XPR1: variants seen among roughly 807,000 people sequenced by gnomAD.
XPR1 encodes the protein xenotropic and polytropic retrovirus receptor 1.
In XPR1, 28 loss-of-function variants were observed where a neutral mutation model predicts 87.5. The observed-to-expected ratio is 0.32, with a 90% CI of 0.24 to 0.44. XPR1 has a LOEUF of 0.44. Ranked by LOEUF, XPR1 falls within the 20% of genes least tolerant of loss-of-function variation. The pLI is 1.00. For missense variants in XPR1, 559 were observed against 862.3 expected, an observed-to-expected ratio of 0.65 and a Z score of 4.41; for synonymous variants, 300 against 306.1, an observed-to-expected ratio of 0.98 and a Z score of 0.21.
At chr1:180,847,922 A>G (rs1651739347) in intron 11 of XPR1, among the ~76,000 whole-genome samples, 1 of 152,174 alleles carries the variant, frequency 6.6e-6, no homozygotes, top group Non-Finnish European at 1.5e-5. Flanking sequence ...GGTTTGTGCC[A>G]TTTAAACCGT....
intron 11 of XPR1, among the ~76,000 whole-genome samples, chr1:180,849,860 C>G (rs556750877): frequency 6.6e-5 from 10 of 152,298 alleles, no homozygotes; most frequent in Admixed American, 6.5e-4. Context: ...AGTTATACTT[C>G]AGTGGAAGTC....
Position 180,632,971 on chromosome 1 carries a change from C to T in XPR1, c.69+701C>T, listed in dbSNP as rs552234127. ...CAGAGTAATAACATCTTTGTTTTTG[C>T]CTCTTGTTTTGGAATGGAGGGAAGA... is the stretch of plus-strand genomic sequence containing the variant. On this transcript the variant is annotated intron_variant, in intron 1 of 14. Transcript: ENST00000367590. Among the ~76,000 whole-genome samples, 17 of 152,138 alleles carry T rather than the reference C, an allele frequency of 1.1e-4. No homozygotes were observed. In the South Asian group the frequency reaches 3.5e-3, roughly 32 times the overall value.
intron 1 of XPR1, among the ~76,000 whole-genome samples, chr1:180,670,866 G>C (rs1230473827): frequency 6.6e-6 from 1 of 152,128 alleles, no homozygotes; most frequent in East Asian, 1.9e-4. Context: ...CGTTTTTGCT[G>C]AACATAGGAT....
At chr1:180,842,872 T>C (rs1023405243) in intron 11 of XPR1, among the ~76,000 whole-genome samples, 3 of 152,370 alleles carry the variant, frequency 2.0e-5, no homozygotes, top group Non-Finnish European at 4.4e-5. Context: ...TGTATTTTAC[T>C]TTAGACTTTT....
At chr1:180,645,524 T>G (rs1292316299) in intron 1 of XPR1, among the ~76,000 whole-genome samples, 1 of 152,196 alleles carries the variant, frequency 6.6e-6, no homozygotes, top group Non-Finnish European at 1.5e-5. Context: ...CAAGTTAAGT[T>G]TTGCGACCCA....
rs575297782 is a variant in XPR1, at chr1:180,886,811, C to T, written c.*2745C>T. The T allele has an allele frequency of 1.3e-5, 2 of 152,278 alleles. No individual in the cohort carries two copies. Among genetic ancestry groups the T allele is most frequent in the South Asian group, 2.1e-4 (1 of 4,822 alleles). The allele number at this position is 152,278 out of a possible 1,614,324, so 9.4% of individuals were successfully genotyped here. A position where few individuals can be genotyped will look rare whatever the true frequency, so the allele number is the denominator to read the frequency against. The stretch of plus-strand genomic sequence containing the variant: ...TAAATTTTATATGCCCTAGCAGTTG[C>T]GAATGTTGTGTCCACCTTACAATTT... On this transcript the variant is annotated 3_prime_UTR_variant, in exon 15 of 15. Transcript: ENST00000367590.
chr1:180,787,904 T>C, intron 3 of XPR1, 50 bp downstream of exon 3: 2 of 1,331,100 alleles, frequency 1.5e-6, no homozygotes, highest in Non-Finnish European at 1.1e-6. Context: ...GGATAAATTG[T>C]ACCATATCAT....
chr1:180,830,694 G>A (rs888112779), intron 9 of XPR1, among the ~76,000 whole-genome samples: 3 of 152,146 alleles, frequency 2.0e-5, no homozygotes, highest in Non-Finnish European at 2.9e-5. Context: ...GTATAAGATA[G>A]AAAGGGGTCC....
chr1:180,860,418 T>A (rs552223788), intron 11 of XPR1, among the ~76,000 whole-genome samples: 1 of 152,264 alleles, frequency 6.6e-6, no homozygotes, highest in South Asian at 2.1e-4. Flanking sequence ...GTAAAGTGAC[T>A]TTTTTGGAAT....
At chr1:180,821,837 A>G (rs1650634768) in intron 7 of XPR1, among the ~76,000 whole-genome samples, 1 of 152,274 alleles carries the variant, frequency 6.6e-6, no homozygotes, top group East Asian at 1.9e-4. Flanking sequence ...CAGATTGCTC[A>G]TTGCCGATGT....
intron 1 of XPR1, among the ~76,000 whole-genome samples, chr1:180,654,943 A>C (rs544534983): frequency 4.5e-4 from 69 of 152,300 alleles, no homozygotes; most frequent in Admixed American, 1.3e-3. Flanking sequence ...TATACTCAGA[A>C]GTATAATTAC....
chr1:180,857,223 T>C lies in XPR1; in HGVS notation c.1502-6485T>C, dbSNP rs192774294. ...TACCCAAGTCCCAACTTAAGAAACC[T>C]TCTCTGCCTGAACGCTGTTTCTGCC... is the stretch of plus-strand genomic sequence containing the variant. On this transcript the variant is annotated intron_variant, in intron 11 of 14. Transcript: ENST00000367590. Among the ~76,000 whole-genome samples the C allele has an allele frequency of 2.5e-4, 38 of 152,308 alleles. No homozygotes were observed. In the Middle Eastern group the frequency reaches 0.01, roughly 41 times the overall value.
intron 11 of XPR1, among the ~76,000 whole-genome samples, chr1:180,853,442 C>CTAAG (rs897233718): frequency 6.6e-6 from 1 of 152,106 alleles, no homozygotes; most frequent in Non-Finnish European, 1.5e-5. Flanking sequence ...TGTTTCTTTG[C>CTAAG]TAAGGCATTT....
At chr1:180,799,417 G>T (rs1373070082) in intron 3 of XPR1, among the ~76,000 whole-genome samples, 2 of 152,116 alleles carry the variant, frequency 1.3e-5, no homozygotes, top group Non-Finnish European at 2.9e-5. Context: ...TTAGGCCATT[G>T]ATCAGCTTTT....
chr1:180,848,618 T>C (rs1651767600), intron 11 of XPR1, among the ~76,000 whole-genome samples: 1 of 152,182 alleles, frequency 6.6e-6, no homozygotes, highest in African/African-American at 2.4e-5. Context: ...AGTGCTGCAG[T>C]AAACATGGGA....
intron 1 of XPR1, among the ~76,000 whole-genome samples, chr1:180,682,113 TC>T (rs1656596933): frequency 1.3e-5 from 2 of 152,208 alleles, no homozygotes; most frequent in Non-Finnish European, 1.5e-5. Context: ...TGATTTTTCA[TC>T]CTTTTCCAGC....
chr1:180,769,130 A>G (rs957952734), intron 2 of XPR1, among the ~76,000 whole-genome samples: 3 of 151,928 alleles, frequency 2.0e-5, no homozygotes, highest in Non-Finnish European at 2.9e-5. Context: ...TTTTGTGGGC[A>G]TGTAGTAGGT....
At chr1:180,635,409 A>C (rs893611317) in intron 1 of XPR1, among the ~76,000 whole-genome samples, 2 of 152,228 alleles carry the variant, frequency 1.3e-5, no homozygotes, top group African/African-American at 4.8e-5. Flanking sequence ...ACTGGTTTCA[A>C]CCAAATAGAC....
At chr1:180,729,299 A>G (rs1658474106) in intron 2 of XPR1, among the ~76,000 whole-genome samples, 2 of 152,210 alleles carry the variant, frequency 1.3e-5, no homozygotes, top group African/African-American at 4.8e-5. Context: ...ACTGCGATTA[A>G]CATATGTGTG....
Sources: allele counts gnomAD v4.1 joint callset (sites outside exome capture counted in the v4.1 genomes callset), GRCh38; gene constraint gnomAD v4.1.1; transcripts MANE v1.5; gene names NCBI Gene and HGNC (gene_info 2026-07-23, HGNC 2026-07-21).